FGGY: variants seen among roughly 807,000 people sequenced by gnomAD.
FGGY encodes the protein FGGY carbohydrate kinase domain-containing protein.
Under a neutral mutation model 71.3 loss-of-function variants are expected in FGGY, and 72 were observed. The ratio of observed to expected loss-of-function variants is 1.01; its 90% CI spans 0.84 to 1.23. The LOEUF (loss-of-function observed/expected upper bound fraction) is 1.23. Ranked by LOEUF, FGGY falls within the 50% of genes most tolerant of loss-of-function variation. The pLI is 0.00. For synonymous variants in FGGY, 251 were observed against 250.3 expected, an observed-to-expected ratio of 1.00 and a Z score of -0.02; for missense variants, 668 against 682.3, an observed-to-expected ratio of 0.98 and a Z score of 0.23.
At chr1:59,375,957 T>C (rs777164132) in intron 4 of FGGY, among the ~76,000 whole-genome samples, 6 of 137,394 alleles carry the variant, frequency 4.4e-5, no homozygotes, top group Non-Finnish European at 9.2e-5. Flanking sequence ...GTTGCTGCGG[T>C]GGTTTGGCGG....
intron 2 of FGGY, 53 bp downstream of exon 2, chr1:59,321,803 T>C: frequency 1.3e-6 from 2 of 1,542,450 alleles, no homozygotes; most frequent in Non-Finnish European, 1.8e-6. Context: ...CTGCTGAGTG[T>C]CGTGTGTCAA....
intron 9 of FGGY, among the ~76,000 whole-genome samples, chr1:59,617,644 G>T (rs926791473): frequency 3.3e-5 from 5 of 152,090 alleles, no homozygotes; most frequent in African/African-American, 4.8e-5. Context: ...ACCCCGTGCA[G>T]TTCCTACATC....
chr1:59,333,376 A>G (rs1177136300), intron 2 of FGGY, among the ~76,000 whole-genome samples: 1 of 152,266 alleles, frequency 6.6e-6, no homozygotes, highest in Non-Finnish European at 1.5e-5. Flanking sequence ...GCTCTAATAT[A>G]AACTGCTACT....
chr1:59,487,149 A>G (rs1307888765), intron 6 of FGGY, among the ~76,000 whole-genome samples: 1 of 152,218 alleles, frequency 6.6e-6, no homozygotes, highest in East Asian at 1.9e-4. Context: ...AAAAGAAAAT[A>G]GAAACCGAAG....
intron 8 of FGGY, among the ~76,000 whole-genome samples, chr1:59,599,769 G>T (rs1490753649): frequency 2.7e-5 from 4 of 150,392 alleles, no homozygotes; most frequent in African/African-American, 9.8e-5. Flanking sequence ...AGTGAGACAA[G>T]AATTTATGAA....
At chr1:59,528,360 A>G (rs2095049215) in intron 7 of FGGY, among the ~76,000 whole-genome samples, 1 of 152,174 alleles carries the variant, frequency 6.6e-6, no homozygotes, top group Admixed American at 6.5e-5. Flanking sequence ...CCCCATTTAA[A>G]GAGAGGAAGG....
intron 14 of FGGY, among the ~76,000 whole-genome samples, chr1:59,712,830 G>A (rs1264761234): frequency 1.3e-5 from 2 of 152,176 alleles, no homozygotes; most frequent in Non-Finnish European, 2.9e-5. Flanking sequence ...ACATGCCCTA[G>A]AGACATTTTC....
chr1:59,396,761 T>C (rs896082832), intron 5 of FGGY, among the ~76,000 whole-genome samples: 8 of 152,202 alleles, frequency 5.3e-5, no homozygotes, highest in African/African-American at 1.9e-4. Flanking sequence ...GGGGATAATA[T>C]TACTAATGTT....
chr1:59,541,138 G>C (rs114214285), intron 7 of FGGY, among the ~76,000 whole-genome samples: 175 of 152,196 alleles, frequency 1.1e-3, no homozygotes, highest in African/African-American at 3.9e-3. Context: ...AACTTCCTCA[G>C]CTGAAATTAT....
intron 4 of FGGY, among the ~76,000 whole-genome samples, chr1:59,363,436 T>TC (rs1248865757): frequency 6.6e-6 from 1 of 152,186 alleles, no homozygotes; most frequent in Non-Finnish European, 1.5e-5. Context: ...GTTCATTTGA[T>TC]CCCCCATCAA....
intron 6 of FGGY, among the ~76,000 whole-genome samples, chr1:59,472,320 C>T (rs987464682): frequency 1.1e-4 from 17 of 152,336 alleles, no homozygotes; most frequent in East Asian, 3.9e-4. Flanking sequence ...GCTGCCTTCC[C>T]GCGGGGCAGG....
At chr1:59,382,594 G>T (rs2059599980) in intron 5 of FGGY, among the ~76,000 whole-genome samples, 1 of 152,134 alleles carries the variant, frequency 6.6e-6, no homozygotes, top group African/African-American at 2.4e-5. Context: ...TCCTCTTTTG[G>T]TGTGATGTTA....
chr1:59,515,878 T>C (rs146686379), intron 7 of FGGY, among the ~76,000 whole-genome samples: 1 of 152,302 alleles, frequency 6.6e-6, no homozygotes, highest in Admixed American at 6.5e-5. Flanking sequence ...TGCAGTAAGT[T>C]AGTAACTTTC....
chr1:59,445,287 T>C (rs1333123550), intron 5 of FGGY, among the ~76,000 whole-genome samples: 3 of 152,212 alleles, frequency 2.0e-5, no homozygotes, highest in Admixed American at 6.5e-5. Context: ...CCTGGGCACA[T>C]GCAGTTCTTT....
Position 59,346,392 on chromosome 1 carries a change from G to T in FGGY, c.459G>T (p.Leu153=). The T allele has an allele frequency of 6.2e-7, 1 of 1,611,314 alleles. No homozygotes were observed. Among genetic ancestry groups the T allele is most frequent in the South Asian group, 1.1e-5 (1 of 90,956 alleles). The change falls in exon 4 of 16, where the codon CTG becomes CTT. Residue 153 remains leucine (L), a synonymous_variant. Transcript: ENST00000303721. ...TGCAGGCCCCGAAACTTCTGTGGCTGAAAGAGGTGAGTGCATAGGGTCTAA... is the reference window on the plus strand; with the variant it reads ...TGCAGGCCCCGAAACTTCTGTGGCTTAAAGAGGTGAGTGCATAGGGTCTAA... ...VEMQAPKLLW[L]KENLREICWD... is the part of the protein sequence containing the mutation.
intron 10 of FGGY, among the ~76,000 whole-genome samples, chr1:59,637,803 A>T (rs1035168318): frequency 2.6e-5 from 4 of 152,204 alleles, no homozygotes; most frequent in African/African-American, 9.6e-5. Context: ...ACTGATTTTA[A>T]TAAATTATTG....
chr1:59,534,774 C>A (rs1444564757), intron 7 of FGGY, among the ~76,000 whole-genome samples: 7 of 151,802 alleles, frequency 4.6e-5, no homozygotes, highest in Non-Finnish European at 8.8e-5. Flanking sequence ...TACAGACAAG[C>A]AAATGCTGAG....
chr1:59,480,070 G>T (rs998823978), intron 6 of FGGY, among the ~76,000 whole-genome samples: 2 of 152,110 alleles, frequency 1.3e-5, no homozygotes, highest in Admixed American at 6.5e-5. Context: ...CTCGCAACTG[G>T]ATTATTCAAC....
intron 14 of FGGY, among the ~76,000 whole-genome samples, chr1:59,736,801 C>CCAGCTGCAGAAATGTGTAT (rs1553439948): frequency 2.0e-5 from 3 of 152,212 alleles, no homozygotes; most frequent in Non-Finnish European, 4.4e-5. Context: ...GGAAGTCAAG[C>CCAGCTGCAGAAATGTGTAT]CAGCTGCAGA....
Sources: gnomAD v4.1 joint callset for allele counts (sites outside exome capture counted in the v4.1 genomes callset) on GRCh38, gnomAD v4.1.1 for gene constraint, MANE v1.5 for transcripts, NCBI Gene and HGNC (gene_info 2026-07-23, HGNC 2026-07-21) for gene names.